WLS: variants seen among roughly 807,000 people sequenced by gnomAD.
WLS encodes the protein protein wntless homolog.
In WLS, 23 loss-of-function variants were observed where a neutral mutation model predicts 62.8. That is an observed-to-expected ratio of 0.37 (90% confidence interval 0.26 to 0.52). WLS has a LOEUF of 0.52. Ranked by LOEUF, WLS falls within the 20% of genes least tolerant of loss-of-function variation. The pLI is 0.92. For synonymous variants in WLS, 246 were observed against 244.1 expected (o/e 1.01, Z -0.07); for missense variants, 615 against 697.3 (o/e 0.88, Z 1.33).
chr1:68,231,787 C>A (rs1228750389), intron 1 of WLS: 1 of 475,486 alleles, frequency 2.1e-6, no homozygotes, highest in African/African-American at 2.1e-5. Context: ...CTAATAAAGT[C>A]GATTACGTTG....
chr1:68,200,970 AT>A (rs1648980894), intron 1 of WLS, among the ~76,000 whole-genome samples: 1 of 152,182 alleles, frequency 6.6e-6, no homozygotes, highest in East Asian at 1.9e-4. Context: ...GACTAGATGA[AT>A]TCCTGTTATG....
chr1:68,111,300 A>G (rs1395071917), intron 11 of WLS, among the ~76,000 whole-genome samples: 1 of 152,214 alleles, frequency 6.6e-6, no homozygotes, highest in African/African-American at 2.4e-5. Context: ...CTAGAGAATA[A>G]CTAAGGCTGG....
chr1:68,200,566 G>GT (rs1212798318), intron 1 of WLS, among the ~76,000 whole-genome samples: 3 of 141,934 alleles, frequency 2.1e-5, no homozygotes, highest in Admixed American at 7.5e-5. Flanking sequence ...TCCAGCTATT[G>GT]CTTTTTTTTT....
chr1:68,135,985 T>A (rs1646604078), intron 11 of WLS, among the ~76,000 whole-genome samples: 1 of 152,180 alleles, frequency 6.6e-6, no homozygotes, highest in Non-Finnish European at 1.5e-5. Flanking sequence ...TAAGTAAATA[T>A]TCTGTATTCT....
At chr1:68,220,261 G>A (rs1649889642) in intron 1 of WLS, among the ~76,000 whole-genome samples, 1 of 152,122 alleles carries the variant, frequency 6.6e-6, no homozygotes, top group Non-Finnish European at 1.5e-5. Flanking sequence ...TCAATTAAGA[G>A]GCAGAAATAA....
At chr1:68,098,593 G>T in exon 12 of WLS, 1 of 1,608,662 alleles carries the variant, frequency 6.2e-7, no homozygotes, top group East Asian at 2.2e-5. Flanking sequence ...TGTGACAACT[G>T]CAAATGCAAA....
chr1:68,217,670 C>T (rs1649783129), intron 1 of WLS, among the ~76,000 whole-genome samples: 1 of 152,178 alleles, frequency 6.6e-6, no homozygotes, highest in South Asian at 2.1e-4. Flanking sequence ...AAAACCTACT[C>T]AGTAATTATT....
chr1:68,156,022 C>T (rs1325208786), intron 3 of WLS, among the ~76,000 whole-genome samples: 1 of 152,166 alleles, frequency 6.6e-6, no homozygotes, highest in South Asian at 2.1e-4. Flanking sequence ...TTAAGAGATA[C>T]TGCCCAGAGC....
At chr1:68,110,000 CAAAAAGTAAAAAAAAAAAAA>C (rs1395342796) in intron 11 of WLS, among the ~76,000 whole-genome samples, 11,387 of 98,696 alleles carry the variant, frequency 0.12, 551 homozygotes, top group African/African-American at 0.22. Context: ...GAACACAACA[CAAAAAGTAAAAAAAAAAAAA>C]AAAAAAAAAA....
chr1:68,205,707 C>T (rs374887711), intron 1 of WLS, among the ~76,000 whole-genome samples: 2 of 152,218 alleles, frequency 1.3e-5, no homozygotes, highest in Admixed American at 1.3e-4. Context: ...TTCTTTAACA[C>T]CCTTTAAACA....
At chr1:68,179,830 G>A (rs968339086) in intron 2 of WLS, among the ~76,000 whole-genome samples, 6 of 152,164 alleles carry the variant, frequency 3.9e-5, no homozygotes, top group African/African-American at 1.4e-4. Flanking sequence ...GACTGCCCAG[G>A]TGGCTCTCAT....
downstream of WLS, among the ~76,000 whole-genome samples, chr1:68,121,610 T>G (rs1646364614): frequency 6.6e-6 from 1 of 152,192 alleles, no homozygotes; most frequent in Admixed American, 6.5e-5. Flanking sequence ...AGAAGTCAGA[T>G]GGTTCCCGGA....
At chr1:68,227,149 T>C (rs1650181487) in intron 1 of WLS, among the ~76,000 whole-genome samples, 1 of 152,202 alleles carries the variant, frequency 6.6e-6, no homozygotes, top group Non-Finnish European at 1.5e-5. Context: ...ATCCCAGCAC[T>C]TTGGGAGGCC....
intron 4 of WLS, 24 bp from the exon 5 acceptor site, chr1:68,153,677 T>C (rs1453022049): frequency 6.2e-7 from 1 of 1,613,906 alleles, no homozygotes; most frequent in East Asian, 2.2e-5. Flanking sequence ...AGTGATAATT[T>C]TGAAGGTGAA....
rs1211851552 is a variant in WLS at position 68,159,107 on chromosome 1, C to A, written c.504+16G>T. The A allele has an allele frequency of 1.2e-6, 2 of 1,612,870 alleles. No homozygotes were observed. Among genetic ancestry groups the A allele is most frequent in the East Asian group, 4.5e-5 (2 of 44,844 alleles). ...ACCAAATAAAAACTGTCAGCTTAGA[C>A]AGCAAGGGGTCATACCTTGGGAGAT... On this transcript the variant is annotated intron_variant, in intron 3 of 11. Transcript: ENST00000262348.
chr1:68,185,196 C>T (rs946292486), intron 2 of WLS, among the ~76,000 whole-genome samples: 1 of 152,192 alleles, frequency 6.6e-6, no homozygotes, highest in Admixed American at 6.5e-5. Flanking sequence ...GACTGCTCCC[C>T]ACTTCAGATG....
intron 11 of WLS, among the ~76,000 whole-genome samples, chr1:68,110,923 G>A (rs1646221048): frequency 6.6e-6 from 1 of 151,892 alleles, no homozygotes; most frequent in South Asian, 2.1e-4. Context: ...AATATGGAAG[G>A]CAAAGTCTTA....
At chr1:68,104,365 C>T (rs1646117745) in intron 11 of WLS, among the ~76,000 whole-genome samples, 1 of 152,140 alleles carries the variant, frequency 6.6e-6, no homozygotes, top group Non-Finnish European at 1.5e-5. Flanking sequence ...ATTGTGCTCT[C>T]TTTTGGAAAC....
chr1:68,129,509 T>C (rs1004800430), intron 11 of WLS, among the ~76,000 whole-genome samples: 1 of 152,334 alleles, frequency 6.6e-6, no homozygotes, highest in Admixed American at 6.5e-5. Context: ...CCTTGTACGA[T>C]GTGAAGCTAC....
Sources: gnomAD v4.1 joint callset for allele counts (sites outside exome capture counted in the v4.1 genomes callset) on GRCh38, gnomAD v4.1.1 for gene constraint, MANE v1.5 for transcripts, NCBI Gene and HGNC (gene_info 2026-07-23, HGNC 2026-07-21) for gene names.